NCOA6: variants seen among roughly 807,000 people sequenced by gnomAD.
The protein encoded by NCOA6 is nuclear receptor coactivator 6.
In NCOA6, 49 loss-of-function variants were observed where a neutral mutation model predicts 171.4. The observed-to-expected ratio is 0.29, with a 90% confidence interval of 0.23 to 0.36. The LOEUF is 0.36. Ranked by LOEUF, NCOA6 falls within the 10% of genes least tolerant of loss-of-function variation. The pLI is 1.00. For missense variants in NCOA6, 2,248 were observed against 2,554.5 expected, an observed-to-expected ratio of 0.88 and a Z score of 2.59; for synonymous variants, 910 against 927.5, an observed-to-expected ratio of 0.98 and a Z score of 0.34.
intron 1 of NCOA6, among the ~76,000 whole-genome samples, chr20:34,815,423 T>C (rs966554670): frequency 1.3e-5 from 2 of 152,040 alleles, no homozygotes; most frequent in African/African-American, 4.8e-5. Flanking sequence ...AAAAAGAGCA[T>C]ATCATTAGCC....
intron 13 of NCOA6, among the ~76,000 whole-genome samples, chr20:34,728,034 T>A (rs1990177732): frequency 6.6e-6 from 1 of 152,186 alleles, no homozygotes; most frequent in South Asian, 2.1e-4. Context: ...CCCTCACCCA[T>A]TTTCCTAAGG....
At chr20:34,782,437 T>C in intron 2 of NCOA6, 33 bp from the exon 3 acceptor site, 1 of 596,186 alleles carries the variant, frequency 1.7e-6, no homozygotes, top group East Asian at 2.8e-5. Flanking sequence ...AGCATTACAA[T>C]GCATAGTTAT....
chr20:34,816,471 T>G (rs1601158172), intron 1 of NCOA6, among the ~76,000 whole-genome samples: 1 of 151,516 alleles, frequency 6.6e-6, no homozygotes, highest in Non-Finnish European at 1.5e-5. Flanking sequence ...AAAGATGGAG[T>G]GATGCAGCTA....
intron 14 of NCOA6, among the ~76,000 whole-genome samples, chr20:34,725,482 G>A (rs1237613723): frequency 1.3e-5 from 2 of 152,232 alleles, no homozygotes; most frequent in Non-Finnish European, 2.9e-5. Context: ...TCAGAGGAAT[G>A]AGGACGGCAT....
At chr20:34,722,248 G>C (rs1423403996) in intron 14 of NCOA6, among the ~76,000 whole-genome samples, 6 of 151,446 alleles carry the variant, frequency 4.0e-5, no homozygotes, top group Non-Finnish European at 5.9e-5. Flanking sequence ...GGGTGTGGTG[G>C]TACGCGCCTG....
intron 1 of NCOA6, among the ~76,000 whole-genome samples, chr20:34,807,904 C>A (rs2078512601): frequency 6.7e-6 from 1 of 149,348 alleles, no homozygotes; most frequent in Non-Finnish European, 1.5e-5. Flanking sequence ...AATCCCAGCA[C>A]TTTGGGAGGC....
chr20:34,790,988 GAGAC>G (rs1428769058), intron 2 of NCOA6, among the ~76,000 whole-genome samples: 2 of 152,174 alleles, frequency 1.3e-5, no homozygotes, highest in African/African-American at 4.8e-5. Context: ...TAAATTCACA[GAGAC>G]AGACAGACGG....
chr20:34,769,424 T>TTAAA (rs1299290433), intron 4 of NCOA6, among the ~76,000 whole-genome samples: 4 of 151,586 alleles, frequency 2.6e-5, no homozygotes, highest in African/African-American at 7.3e-5. Context: ...AGTGCAGTGG[T>TTAAA]GTGATCTTGG....
At chr20:34,815,441 T>C (rs1359952132) in intron 1 of NCOA6, among the ~76,000 whole-genome samples, 1 of 152,094 alleles carries the variant, frequency 6.6e-6, no homozygotes, top group African/African-American at 2.4e-5. Context: ...GCCTGGACAG[T>C]ACCCAGTCTT....
chr20:34,799,155 T>TA (rs948028160), intron 1 of NCOA6, among the ~76,000 whole-genome samples: 2 of 151,698 alleles, frequency 1.3e-5, no homozygotes, highest in African/African-American at 2.4e-5. Context: ...CTGAAATAAT[T>TA]AAAAAAATCA....
chr20:34,800,801 T>A lies in NCOA6; in HGVS notation c.-163-8238A>T, dbSNP rs2146458142. ...CATCCCATTTTCAGCACTGGACAGA[T>A]GATCTAGACAGAAAATCAACCAAGA... On this transcript the variant is annotated intron_variant, in intron 1 of 14. Coordinates refer to ENST00000359003, the MANE Select transcript of NCOA6 (RefSeq NM_014071.5). 1.3e-5 allele frequency among the ~76,000 whole-genome samples: 2 copies of A among 152,276 alleles called. 1 individual carries two copies. The highest frequency in any genetic ancestry group is 4.1e-4 in the South Asian group (2 of 4,826).
chr20:34,763,601 G>C (rs1005057560), intron 5 of NCOA6, among the ~76,000 whole-genome samples: 4 of 152,144 alleles, frequency 2.6e-5, no homozygotes. Context: ...AATGACTTGG[G>C]TTGAGAAAAT....
intron 10 of NCOA6, 151 bp downstream of exon 10, chr20:34,746,656 G>T (rs1053021411): frequency 8.8e-6 from 8 of 908,994 alleles, no homozygotes; most frequent in African/African-American, 1.7e-5. Flanking sequence ...TTAATATCAA[G>T]GCAAAGCTTC....
intron 13 of NCOA6, among the ~76,000 whole-genome samples, chr20:34,727,703 C>A (rs945658740): frequency 6.6e-6 from 1 of 151,590 alleles, no homozygotes; most frequent in Non-Finnish European, 1.5e-5. Context: ...TCCCCTAATT[C>A]CTCACCCATT....
chr20:34,735,151 A>C (rs1038860983), intron 12 of NCOA6, among the ~76,000 whole-genome samples: 1 of 152,148 alleles, frequency 6.6e-6, no homozygotes, highest in Non-Finnish European at 1.5e-5. Context: ...AGGGGGAAAA[A>C]TGATATGGTA....
In NCOA6 at chr20:34,715,309, C is replaced by T. The variant is rs1568692269; in HGVS notation, c.*13G>A. On this transcript the variant is annotated 3_prime_UTR_variant, in exon 15 of 15. Coordinates refer to ENST00000359003, the MANE Select transcript of NCOA6 (RefSeq NM_014071.5). ...ACACACATTTCCAAGTATCAAGTCG[C>T]AGTCCTGCTTGTTTACTTGGATTTT... 1.2e-6 allele frequency: 2 copies of T among 1,613,984 alleles called. No homozygotes were observed. Among genetic ancestry groups the T allele is most frequent in the Non-Finnish European group, 1.7e-6 (2 of 1,179,864 alleles).
At position 34,742,670 on chromosome 20, in the gene NCOA6, G is replaced by C. The variant is rs1409166754; in HGVS notation, c.3586C>G (p.His1196Asp). 6.2e-7 allele frequency: 1 copy of C among 1,614,078 alleles called. No homozygotes were observed. Among genetic ancestry groups the C allele is most frequent in the Non-Finnish European group, 8.5e-7 (1 of 1,180,046 alleles). The change falls in exon 11 of 15, where the codon CAC becomes GAC. Residue 1196 changes from histidine to aspartate, a missense_variant. Around this residue, in one of 7 missense-constraint regions of NCOA6, gnomAD observed 352 missense variants for 419.1 expected, o/e 0.84. Transcript: ENST00000359003. Reference sequence around the variant, plus strand: ...GTTGGCGCAGCCACATTTGGGAAGTGGTGGCCGTGAGAGCTGGGCAGGGAA... The same window carrying C: ...GTTGGCGCAGCCACATTTGGGAAGTCGTGGCCGTGAGAGCTGGGCAGGGAA... ...VNSLPSSHGHHFPNVAAPTQT... is the reference protein window; with the variant it reads ...VNSLPSSHGHDFPNVAAPTQT...
At chr20:34,813,567 G>A (rs936842768) in intron 1 of NCOA6, among the ~76,000 whole-genome samples, 39 of 151,938 alleles carry the variant, frequency 2.6e-4, no homozygotes, top group African/African-American at 8.7e-4. Context: ...TGTTAATAAT[G>A]GTATTGTGTT....
rs563593188 is a variant in NCOA6 at position 34,731,108 on chromosome 20, C to T, written c.5999+1451G>A. Among the ~76,000 whole-genome samples, 7 of 152,278 alleles carry T rather than the reference C, an allele frequency of 4.6e-5. No homozygotes were observed. In the South Asian group the frequency reaches 1.5e-3, roughly 32 times the overall value. ...GATCTCGGCTCACTGCAACCTCCGC[C>T]TCCCAGGTTTAAGTGACTCTCCTGC... On this transcript the variant is annotated intron_variant, in intron 13 of 14. Transcript: ENST00000359003.
Sources: allele counts gnomAD v4.1 joint callset (sites outside exome capture counted in the v4.1 genomes callset), GRCh38; gene constraint gnomAD v4.1.1; regional missense constraint gnomAD v4.1.1; transcripts MANE v1.5; gene names NCBI Gene and HGNC (gene_info 2026-07-23, HGNC 2026-07-21).